EXOC2: variants seen among roughly 807,000 people sequenced by gnomAD.
The protein encoded by EXOC2 is exocyst complex component 2.
Under a neutral mutation model 131.8 loss-of-function variants are expected in EXOC2, and 70 were observed. That is an observed-to-expected ratio of 0.53 (90% CI 0.44 to 0.65). EXOC2 has a LOEUF of 0.65. EXOC2 is among the 30% of genes least tolerant of loss of function. The pLI is 0.00. For synonymous variants in EXOC2, 411 were observed against 398.4 expected (o/e 1.03, Z -0.38); for missense variants, 923 against 1,108.6 (o/e 0.83, Z 2.38).
chr6:501,174 A>C (rs55805284), intron 23 of EXOC2, among the ~76,000 whole-genome samples: 2 of 9,850 alleles, frequency 2.0e-4, no homozygotes, highest in South Asian at 3.9e-3. Flanking sequence ...TATTATATAT[A>C]TCTATATATT....
intron 1 of EXOC2, among the ~76,000 whole-genome samples, chr6:640,334 G>C (rs1365178024): frequency 6.6e-6 from 1 of 152,146 alleles, no homozygotes; most frequent in Non-Finnish European, 1.5e-5. Context: ...CCATATTTTA[G>C]GGTATCGTTT....
At chr6:619,649 A>C in intron 4 of EXOC2, 106 bp from the exon 5 acceptor site, 2 of 641,842 alleles carry the variant, frequency 3.1e-6, no homozygotes, top group Non-Finnish European at 2.8e-6. Context: ...TAACCATTAC[A>C]ACAATACATA....
chr6:558,590 T>A (rs992499023), intron 17 of EXOC2, among the ~76,000 whole-genome samples: 1 of 152,080 alleles, frequency 6.6e-6, no homozygotes, highest in Non-Finnish European at 1.5e-5. Flanking sequence ...GGCGGGTGGA[T>A]TGCTTGAGGT....
chr6:661,314 A>G (rs200711532), intron 1 of EXOC2, among the ~76,000 whole-genome samples: 1 of 152,236 alleles, frequency 6.6e-6, no homozygotes, highest in African/African-American at 2.4e-5. Context: ...CATTGCAAAA[A>G]GATCATCACC....
At chr6:496,985 G>C (rs1763779684) in intron 25 of EXOC2, among the ~76,000 whole-genome samples, 1 of 152,212 alleles carries the variant, frequency 6.6e-6, no homozygotes, top group Non-Finnish European at 1.5e-5. Flanking sequence ...AAAAGAGACA[G>C]TTATTTGTTG....
chr6:616,928 A>C (rs1288989959), intron 6 of EXOC2, among the ~76,000 whole-genome samples: 1 of 151,832 alleles, frequency 6.6e-6, no homozygotes, highest in East Asian at 2.0e-4. Context: ...TTTAGTAGAG[A>C]GGGAGGAGGG....
At position 497,463 on chromosome 6, in the gene EXOC2, G is replaced by A. The variant is rs1763806924; in HGVS notation, c.2463C>T (p.Val821=). ...AEVFTISKEL[V]PRVLSKVIEA... ...CTATCACCTTGGATAGTACCCGAGGGACCAGTTCTTTGGAAATGGTGAACA... is the reference window on the plus strand; with the variant it reads ...CTATCACCTTGGATAGTACCCGAGGAACCAGTTCTTTGGAAATGGTGAACA... Residue 821 remains valine (V), a synonymous_variant, in exon 25 of 28, where the codon GTC becomes GTT. Coordinates refer to ENST00000230449, the MANE Select transcript of EXOC2 (RefSeq NM_018303.6). 6.2e-7 allele frequency: 1 copy of A among 1,612,490 alleles called. No individual in the cohort carries two copies. Among genetic ancestry groups the A allele is most frequent in the Non-Finnish European group, 8.5e-7 (1 of 1,179,306 alleles).
chr6:574,035 G>A (rs552200641), intron 12 of EXOC2, among the ~76,000 whole-genome samples: 101 of 152,290 alleles, frequency 6.6e-4, no homozygotes, highest in Middle Eastern at 3.4e-3. Flanking sequence ...GAGTTCTTCT[G>A]TATTCAAACG....
At chr6:536,513 A>T (rs1360884069) in intron 22 of EXOC2, among the ~76,000 whole-genome samples, 1 of 152,184 alleles carries the variant, frequency 6.6e-6, no homozygotes, top group African/African-American at 2.4e-5. Flanking sequence ...AATTCAATGA[A>T]CCCCTAAAAG....
At chr6:578,679 G>A (rs1331320922) in intron 11 of EXOC2, among the ~76,000 whole-genome samples, 1 of 152,120 alleles carries the variant, frequency 6.6e-6, no homozygotes, top group Non-Finnish European at 1.5e-5. Flanking sequence ...TGGCCACTGT[G>A]CTAAATAAAT....
In EXOC2 at chr6:629,876, C is replaced by T; in HGVS notation, c.381G>A (p.Leu127=). The change falls in exon 4 of 28, where the codon TTG becomes TTA. Residue 127 remains leucine, a synonymous_variant. Transcript: ENST00000230449. ...CAAGCGGGTTAGCAGGACGTAAGGA[C>T]AAGGGCGGAATTCCTTTGTTCCTGT... ...RTDRNKGIPP[L]SLRPANPLGI... is the part of the protein sequence containing the mutation. 6.2e-7 allele frequency: 1 copy of T among 1,614,076 alleles called. No homozygotes were observed. Among genetic ancestry groups the T allele is most frequent in the Non-Finnish European group, 8.5e-7 (1 of 1,179,958 alleles).
chr6:615,176 GGT>G (rs751062692), intron 6 of EXOC2, among the ~76,000 whole-genome samples: 1,757 of 103,846 alleles, frequency 0.017, 39 homozygotes, highest in African/African-American at 0.052. Context: ...AGTATATGTG[GGT>G]GTGGGTGTGT....
At chr6:492,655 A>G (rs1271526709) in intron 25 of EXOC2, among the ~76,000 whole-genome samples, 2 of 152,240 alleles carry the variant, frequency 1.3e-5, no homozygotes, top group Admixed American at 6.5e-5. Context: ...ACAAAGGGTC[A>G]TATTTTCATG....
intron 23 of EXOC2, among the ~76,000 whole-genome samples, chr6:530,828 G>C (rs1766031667): frequency 6.6e-6 from 1 of 152,200 alleles, no homozygotes; most frequent in Admixed American, 6.5e-5. Context: ...CGGGGTGGGG[G>C]ACCCAGATGG....
intron 25 of EXOC2, among the ~76,000 whole-genome samples, chr6:495,925 T>C (rs978810406): frequency 1.3e-5 from 2 of 152,208 alleles, no homozygotes; most frequent in African/African-American, 4.8e-5. Context: ...ATTTCTGTTG[T>C]TCATACTGGA....
In EXOC2 at chr6:486,454, T is replaced by G; in HGVS notation, c.*217A>C. ...AAATGTATTTTAAAGTCATACAGGATCTGATCTAGTAAGAATGGCAAAACA... is the reference window on the plus strand; with the variant it reads ...AAATGTATTTTAAAGTCATACAGGAGCTGATCTAGTAAGAATGGCAAAACA... On this transcript the variant is annotated 3_prime_UTR_variant, in exon 28 of 28. Coordinates refer to ENST00000230449, the MANE Select transcript of EXOC2 (RefSeq NM_018303.6). 2.0e-6 allele frequency: 1 copy of G among 490,744 alleles called. No homozygotes were observed. Among genetic ancestry groups the G allele is most frequent in the Middle Eastern group, 5.3e-4 (1 of 1,898 alleles). The allele number at this position is 490,744 out of a possible 1,614,324, so 30.4% of individuals were successfully genotyped here.
At chr6:498,757 T>C (rs1450331782) in intron 24 of EXOC2, among the ~76,000 whole-genome samples, 1 of 152,166 alleles carries the variant, frequency 6.6e-6, no homozygotes, top group African/African-American at 2.4e-5. Flanking sequence ...CAGATACTTT[T>C]GGATGCAGCA....
chr6:486,568 TG>T lies in EXOC2; in HGVS notation c.*102del, dbSNP rs1376846415. 3 of 1,049,992 alleles carry T rather than the reference TG, an allele frequency of 2.9e-6. No homozygotes were observed. Among genetic ancestry groups the T allele is most frequent in the Non-Finnish European group, 4.2e-6 (3 of 715,140 alleles). 65.0% of individuals were successfully genotyped at this position (1,049,992 alleles called of 1,614,324 possible). A position where few individuals can be genotyped will look rare whatever the true frequency, so the allele number is the denominator to read the frequency against. On this transcript the variant is annotated 3_prime_UTR_variant, in exon 28 of 28. Transcript: ENST00000230449. ...GTCAGAGGAAGAAAAAAGAGAAAAA[TG>T]GCAAACCCAATGTTTAATACACCAA...
chr6:624,608 C>T (rs771585911), intron 4 of EXOC2, among the ~76,000 whole-genome samples: 82 of 152,228 alleles, frequency 5.4e-4, no homozygotes, highest in African/African-American at 1.7e-3. Context: ...TGTAAACAGT[C>T]GAGATTTGAA....
Sources: gnomAD v4.1 joint callset for allele counts (sites outside exome capture counted in the v4.1 genomes callset) on GRCh38, gnomAD v4.1.1 for gene constraint, MANE v1.5 for transcripts, NCBI Gene and HGNC (gene_info 2026-07-23, HGNC 2026-07-21) for gene names.